Variants in SLC25A26 observed in about 807,000 individuals in gnomAD.
The protein encoded by SLC25A26 is solute carrier family 25 member 26.
In SLC25A26, 36 loss-of-function variants were observed where a neutral mutation model predicts 37.8. The ratio of observed to expected loss-of-function variants is 0.95; its 90% CI spans 0.73 to 1.26. The LOEUF (loss-of-function observed/expected upper bound fraction) is 1.26, where lower values mean the gene tolerates loss of function less well. Ranked by LOEUF, SLC25A26 falls within the 50% of genes most tolerant of loss-of-function variation. The pLI is 0.00. For synonymous variants in SLC25A26, 129 were observed against 122.5 expected (o/e 1.05, Z -0.35); for missense variants, 390 against 331.1 (o/e 1.18, Z -1.38).
chr3:66,142,747 C>T (rs1044332359), intron 1 of SLC25A26, among the ~76,000 whole-genome samples: 1 of 151,974 alleles, frequency 6.6e-6, no homozygotes. Flanking sequence ...AATTTGTATG[C>T]TATTCTCTTG....
intron 1 of SLC25A26, among the ~76,000 whole-genome samples, chr3:66,213,218 G>A (rs925432997): frequency 1.8e-4 from 27 of 151,858 alleles, no homozygotes; most frequent in African/African-American, 6.5e-4. Context: ...TGGCCAACGT[G>A]GTGAAACCCC....
chr3:66,332,957 C>G (rs1209101976), intron 5 of SLC25A26, among the ~76,000 whole-genome samples: 1 of 151,942 alleles, frequency 6.6e-6, no homozygotes, highest in African/African-American at 2.4e-5. Flanking sequence ...TTTTTCAGGA[C>G]AAGTGACAGA....
chr3:66,238,187 A>T (rs1031994349), intron 2 of SLC25A26, among the ~76,000 whole-genome samples: 37 of 152,324 alleles, frequency 2.4e-4, no homozygotes, highest in African/African-American at 8.9e-4. Flanking sequence ...AAACAAATAC[A>T]GTTGACCCTC....
intron 5 of SLC25A26, among the ~76,000 whole-genome samples, chr3:66,314,426 T>C (rs2075472098): frequency 6.6e-6 from 1 of 152,144 alleles, no homozygotes; most frequent in African/African-American, 2.4e-5. Context: ...GTTTATTGAT[T>C]TGCGTATGTT....
intron 1 of SLC25A26, among the ~76,000 whole-genome samples, chr3:66,201,232 C>T (rs2071104260): frequency 6.6e-6 from 1 of 151,300 alleles, no homozygotes; most frequent in South Asian, 2.1e-4. Flanking sequence ...TATATATACA[C>T]TTCATATATA....
At chr3:66,332,565 A>C (rs1240143949) in intron 5 of SLC25A26, among the ~76,000 whole-genome samples, 1 of 152,080 alleles carries the variant, frequency 6.6e-6, no homozygotes, top group Non-Finnish European at 1.5e-5. Flanking sequence ...GTAATTTGGC[A>C]GCACTTGGAT....
intron 6 of SLC25A26, among the ~76,000 whole-genome samples, chr3:66,358,442 C>T (rs757291477): frequency 6.6e-6 from 1 of 152,184 alleles, no homozygotes; most frequent in African/African-American, 2.4e-5. Context: ...TTTGTTCATT[C>T]ACTTGGATAT....
chr3:66,277,583 C>A (rs1176623763), intron 5 of SLC25A26, among the ~76,000 whole-genome samples: 1 of 151,998 alleles, frequency 6.6e-6, no homozygotes, highest in Non-Finnish European at 1.5e-5. Flanking sequence ...TGTATCAAAT[C>A]ATCACATTGC....
At chr3:66,338,054 C>T (rs1307248101) in intron 5 of SLC25A26, among the ~76,000 whole-genome samples, 1 of 151,958 alleles carries the variant, frequency 6.6e-6, no homozygotes, top group African/African-American at 2.4e-5. Flanking sequence ...TCTGCCTGCC[C>T]AGGTTATTTT....
chr3:66,354,216 A>G (rs972578392), intron 6 of SLC25A26, among the ~76,000 whole-genome samples: 6 of 152,066 alleles, frequency 3.9e-5, no homozygotes, highest in African/African-American at 1.4e-4. Context: ...AGTGTGGAGA[A>G]CTGTTAAGAA....
chr3:66,233,702 T>C (rs2072139030), intron 1 of SLC25A26, among the ~76,000 whole-genome samples: 1 of 152,064 alleles, frequency 6.6e-6, no homozygotes, highest in African/African-American at 2.4e-5. Context: ...GCTGTTTTTC[T>C]TTTTTTTCAG....
chr3:66,374,384 C>T (rs1211013654), intron 9 of SLC25A26, among the ~76,000 whole-genome samples: 1 of 152,158 alleles, frequency 6.6e-6, no homozygotes, highest in Non-Finnish European at 1.5e-5. Flanking sequence ...TGTTTTGGGG[C>T]ATCACCCACT....
chr3:66,223,844 A>G (rs2071612088), intron 1 of SLC25A26, among the ~76,000 whole-genome samples: 1 of 152,210 alleles, frequency 6.6e-6, no homozygotes, highest in Non-Finnish European at 1.5e-5. Flanking sequence ...AAAATCCTCA[A>G]AGAGTACATT....
In SLC25A26 at chr3:66,238,752, T is replaced by G. The variant is rs187744571; in HGVS notation, c.190+2052T>G. On this transcript the variant is annotated intron_variant, in intron 2 of 9. Coordinates refer to ENST00000354883, the MANE Select transcript of SLC25A26 (RefSeq NM_001379210.1). ...TAAGGAAGAGAAAACGTATATTCAG[T>G]AAGTGGAAGTGGATCATCATAAGGT... Among the ~76,000 whole-genome samples the G allele has an allele frequency of 5.1e-3, 774 of 151,804 alleles. 11 individuals carry two copies. The highest frequency in any genetic ancestry group is 0.018 in the African/African-American group (734 of 41,356).
chr3:66,361,573 G>C (rs147970982), intron 6 of SLC25A26, among the ~76,000 whole-genome samples: 146 of 152,318 alleles, frequency 9.6e-4, no homozygotes, highest in Non-Finnish European at 1.5e-3. Flanking sequence ...CAGTACAAAT[G>C]TGCAACATAT....
At chr3:66,309,007 G>T (rs1192060897) in intron 5 of SLC25A26, among the ~76,000 whole-genome samples, 1 of 152,076 alleles carries the variant, frequency 6.6e-6, no homozygotes, top group Admixed American at 6.5e-5. Context: ...TTTTTTTGTT[G>T]TGTCTCTGTC....
At chr3:66,297,355 C>T (rs1338536017) in intron 5 of SLC25A26, among the ~76,000 whole-genome samples, 4 of 149,292 alleles carry the variant, frequency 2.7e-5, no homozygotes, top group African/African-American at 7.4e-5. Flanking sequence ...AAAAGAATGT[C>T]TGGCATTAAT....
chr3:66,257,059 A>C (rs541322564), intron 3 of SLC25A26, among the ~76,000 whole-genome samples: 22 of 152,154 alleles, frequency 1.4e-4, no homozygotes, highest in Non-Finnish European at 2.8e-4. Flanking sequence ...TCTTGCTGTC[A>C]GGGTGCTTAC....
chr3:66,268,576 G>T (rs996337442), intron 5 of SLC25A26, among the ~76,000 whole-genome samples: 1 of 152,186 alleles, frequency 6.6e-6, no homozygotes, highest in African/African-American at 2.4e-5. Flanking sequence ...GGATCCAGGC[G>T]AAGTGCCTTC....
Sources: allele counts gnomAD v4.1 joint callset (sites outside exome capture counted in the v4.1 genomes callset), GRCh38; gene constraint gnomAD v4.1.1; transcripts MANE v1.5; gene names NCBI Gene and HGNC (gene_info 2026-07-23, HGNC 2026-07-21).